The following SP7 variants were observed in gnomAD, a reference collection of about 807,000 sequenced individuals.
SP7 encodes the protein Sp7 transcription factor.
A neutral mutation model predicts 27.9 loss-of-function variants in SP7; 13 were observed. The observed-to-expected ratio is 0.47, with a 90% CI of 0.30 to 0.74. The LOEUF is 0.74. Ranked by LOEUF, SP7 falls within the 30% of genes least tolerant of loss-of-function variation. The pLI is 0.06. For missense variants in SP7, 525 were observed against 558.0 expected (o/e 0.94, Z 0.60); for synonymous variants, 219 against 226.7 (o/e 0.97, Z 0.31).
chr12:53,331,259 CA>C (rs1001412126), intron 2 of SP7, among the ~76,000 whole-genome samples: 2 of 152,074 alleles, frequency 1.3e-5, no homozygotes, highest in African/African-American at 4.8e-5. Flanking sequence ...ATCACTAGAT[CA>C]GGAGTTCAAA....
At chr12:53,338,399 C>T (rs1439541679), upstream of SP7, among the ~76,000 whole-genome samples, 1 of 152,004 alleles carries the variant, frequency 6.6e-6, no homozygotes, top group Admixed American at 6.5e-5. Context: ...AAAGCCCGAC[C>T]CAGTTAGATC....
chr12:53,343,336 T>G (rs1376296145), intron 1 of SP7, among the ~76,000 whole-genome samples: 1 of 152,130 alleles, frequency 6.6e-6, no homozygotes, highest in African/African-American at 2.4e-5. Flanking sequence ...TCTAATCAGC[T>G]ATGCAAGGGG....
chr12:53,340,880 G>A (rs1265598226), upstream of SP7, among the ~76,000 whole-genome samples: 1 of 152,208 alleles, frequency 6.6e-6, no homozygotes, highest in Non-Finnish European at 1.5e-5. Context: ...TCCTCTAAGA[G>A]CAATGGGGCT....
intron 2 of SP7, among the ~76,000 whole-genome samples, chr12:53,330,738 C>A (rs945691150): frequency 2.6e-5 from 4 of 152,180 alleles, no homozygotes; most frequent in African/African-American, 9.7e-5. Flanking sequence ...TCATCCCATA[C>A]CCGATATTCC....
chr12:53,335,826 C>G lies in SP7; in HGVS notation c.-47-133G>C, dbSNP rs1944764186. The G allele has an allele frequency of 7.8e-6, 11 of 1,403,294 alleles. No individual in the cohort carries two copies. In the South Asian group the frequency reaches 1.6e-4, roughly 20 times the overall value. 86.9% of individuals were successfully genotyped at this position (1,403,294 alleles called of 1,614,324 possible). A position where few individuals can be genotyped will look rare whatever the true frequency, so the allele number is the denominator to read the frequency against. On this transcript the variant is annotated intron_variant, in intron 1 of 2. Coordinates refer to ENST00000536324, the MANE Select transcript of SP7 (RefSeq NM_001173467.3). ...CTCTCTGTCTGTAGGGATCCACCCTCTAATTACAGCTTTCCCAGCGGAGAA... is the reference window on the plus strand; with the variant it reads ...CTCTCTGTCTGTAGGGATCCACCCTGTAATTACAGCTTTCCCAGCGGAGAA...
Position 53,328,812 on chromosome 12 carries a change from G to C in SP7, c.630C>G (p.Tyr210Ter). 6.3e-7 allele frequency: 1 copy of C among 1,597,718 alleles called. No homozygotes were observed. The change falls in exon 3 of 3, where the codon TAC becomes TAG. Residue 210 changes from tyrosine to a stop codon, truncating the protein, a stop_gained. Transcript: ENST00000536324. LOFTEE classifies it high-confidence loss of function. The surrounding 1 kb of genome is among the most constrained non-coding windows in gnomAD (Gnocchi z 5.1). Reference protein sequence around the residue: ...SDFAPLNPAPYPAPHLLQPGP... With the variant: ...SDFAPLNPAP Reference sequence around the variant, plus strand: ...CTGGTTGCAAGAGGTGGGGAGCTGGGTAGGGGGCTGGATTAAGGGGAGCAA... The same window carrying C: ...CTGGTTGCAAGAGGTGGGGAGCTGGCTAGGGGGCTGGATTAAGGGGAGCAA...
Position 53,335,703 on chromosome 12 carries a change from G to A in SP7, c.-47-10C>T. ...AGGCAGATGGAGAGAGCTGAGCCGG[G>A]GGGTGGGGGGGGTAGAGAGAGAAAA... On this transcript the variant is annotated splice_polypyrimidine_tract_variant and intron_variant, in intron 1 of 2. Coordinates refer to ENST00000536324, the MANE Select transcript of SP7 (RefSeq NM_001173467.3). The A allele has an allele frequency of 6.9e-7, 1 of 1,459,786 alleles. No individual in the cohort carries two copies. The highest frequency in any genetic ancestry group is 1.4e-5 in the African/African-American group (1 of 69,646). 90.4% of individuals were successfully genotyped at this position (1,459,786 alleles called of 1,614,324 possible).
chr12:53,331,191 G>C (rs1944699189), intron 2 of SP7, among the ~76,000 whole-genome samples: 1 of 152,156 alleles, frequency 6.6e-6, no homozygotes, highest in African/African-American at 2.4e-5. Flanking sequence ...GTATCTTCTA[G>C]CCAGGCGCGG....
chr12:53,341,710 G>A (rs4758956), intron 1 of SP7, among the ~76,000 whole-genome samples: 29,307 of 152,098 alleles, frequency 0.19, 3,798 homozygotes, highest in Non-Finnish European at 0.29. Context: ...TTGGGAGGCC[G>A]AGGTGGGTGG....
chr12:53,334,976 G>A (rs915922278), intron 2 of SP7, among the ~76,000 whole-genome samples: 4 of 152,158 alleles, frequency 2.6e-5, no homozygotes, highest in Admixed American at 6.5e-5. Flanking sequence ...CCGGGCAAGC[G>A]GCCTCAGACC....
chr12:53,333,577 G>A (rs968968345), intron 2 of SP7, among the ~76,000 whole-genome samples: 8 of 152,120 alleles, frequency 5.3e-5, no homozygotes, highest in Non-Finnish European at 8.8e-5. Flanking sequence ...CCATTTTCCA[G>A]TTCTCAACTT....
upstream of SP7, among the ~76,000 whole-genome samples, chr12:53,337,842 T>A (rs540627132): frequency 8.6e-5 from 13 of 152,030 alleles, no homozygotes; most frequent in Non-Finnish European, 1.6e-4. Flanking sequence ...ACCAGGTGGC[T>A]GATAGACAAA....
Position 53,328,924 on chromosome 12 carries a change from C to G in SP7, c.518G>C (p.Gly173Ala). 4.3e-6 allele frequency: 7 copies of G among 1,611,728 alleles called. No individual in the cohort carries two copies. The highest frequency in any genetic ancestry group is 5.9e-6 in the Non-Finnish European group (7 of 1,178,970). Residue 173 changes from glycine (G) to alanine (A), a missense_variant, in exon 3 of 3, where the codon GGC becomes GCC. Physicochemically the swap from Gly to Ala is moderately conservative, Grantham distance 60. Coordinates refer to ENST00000536324, the MANE Select transcript of SP7 (RefSeq NM_001173467.3). This position sits in a 1 kb window ranked among gnomAD's most constrained non-coding sequence, Gnocchi z 5.1. ...TGTCCCTTGCAGCCCATCACCCTGG[C>G]CCTGCCCACCACCTAGCCAGTTGCC... ...PGGNWLGGGQ[G>A]QGDGLQGTLP...
chr12:53,336,642 C>T (rs1944775035), upstream of SP7, among the ~76,000 whole-genome samples: 1 of 152,038 alleles, frequency 6.6e-6, no homozygotes, highest in Admixed American at 6.6e-5. Flanking sequence ...GCACACGCAC[C>T]ACACCCGCCC....
intron 2 of SP7, among the ~76,000 whole-genome samples, chr12:53,330,914 C>A (rs1367577387): frequency 1.3e-5 from 2 of 152,210 alleles, no homozygotes; most frequent in Non-Finnish European, 2.9e-5. Flanking sequence ...GGGCTGCCGC[C>A]AAGCCCAAAC....
rs758031130 is a variant in SP7 at position 53,329,339 on chromosome 12, C to T, written c.103G>A (p.Asp35Asn). ...SKFGGSSPLR[D>N]STTLGKAGTK... ...CCTGCTTTGCCCAGAGTTGTTGAGT[C>T]CCGCAGAGGGCTAGAGCCACCAAAT... The change falls in exon 3 of 3, where the codon GAC becomes AAC. Residue 35 changes from aspartate to asparagine, a missense_variant. Transcript: ENST00000536324. 5 of 1,613,836 alleles carry T rather than the reference C, an allele frequency of 3.1e-6. No individual in the cohort carries two copies. The African/African-American group carries it at 4.0e-5, about 13-fold the overall frequency.
upstream of SP7, among the ~76,000 whole-genome samples, chr12:53,340,134 C>G (rs1944810117): frequency 6.6e-6 from 1 of 152,104 alleles, no homozygotes; most frequent in African/African-American, 2.4e-5. Flanking sequence ...GACACCCTAA[C>G]CCCCAATCAT....
At position 53,329,192 on chromosome 12, in the gene SP7, G is replaced by A; in HGVS notation, c.250C>T (p.Pro84Ser). The A allele has an allele frequency of 6.2e-7, 1 of 1,613,900 alleles. No homozygotes were observed. The highest frequency in any genetic ancestry group is 1.1e-5 in the South Asian group (1 of 91,088). ...LLSPAGSPPA[P>S]TSGYANDYPP... ...TAATCATTAGCATAGCCTGAGGTGGGTGCTGGAGGACTGCCTGCAGGTGAA... is the reference window on the plus strand; with the variant it reads ...TAATCATTAGCATAGCCTGAGGTGGATGCTGGAGGACTGCCTGCAGGTGAA... The change falls in exon 3 of 3, where the codon CCC becomes TCC. Residue 84 changes from proline to serine, a missense_variant. Transcript: ENST00000536324.
chr12:53,327,886 A>G lies in SP7; in HGVS notation c.*260T>C, dbSNP rs1404923419. On this transcript the variant is annotated 3_prime_UTR_variant, in exon 3 of 3. Coordinates refer to ENST00000536324, the MANE Select transcript of SP7 (RefSeq NM_001173467.3). ...GGTGTGGCAGGGCCAGAGTCTAGGA[A>G]GCCGGAGTGCAGGTATCAGGCACAA... 9 of 467,916 alleles carry G rather than the reference A, an allele frequency of 1.9e-5. No homozygotes were observed. In the Admixed American group the frequency reaches 2.7e-4, roughly 14 times the overall value. 29.0% of individuals were successfully genotyped at this position (467,916 alleles called of 1,614,324 possible).
Sources: allele counts gnomAD v4.1 joint callset (sites outside exome capture counted in the v4.1 genomes callset), GRCh38; gene constraint gnomAD v4.1.1; non-coding constraint Gnocchi (gnomAD v3.1); transcripts MANE v1.5; gene names NCBI Gene and HGNC (gene_info 2026-07-23, HGNC 2026-07-21).